LRRC69: variants seen among roughly 807,000 people sequenced by gnomAD.
LRRC69 encodes leucine-rich repeat-containing protein 69.
In LRRC69, 42 loss-of-function variants were observed where a neutral mutation model predicts 37.8. That is an observed-to-expected ratio of 1.11 (90% confidence interval 0.87 to 1.44). The LOEUF is 1.44. LRRC69 is among the 40% of genes most tolerant of loss of function. The probability of loss-of-function intolerance (pLI) is 0.00; values close to 1 mark genes in which losing one functional copy is unlikely to be tolerated. For missense variants in LRRC69, 357 were observed against 401.9 expected (o/e 0.89, Z 0.96); for synonymous variants, 141 against 143.1 (o/e 0.99, Z 0.11).
chr8:91,204,878 T>C (rs897643127), intron 7 of LRRC69, among the ~76,000 whole-genome samples: 1 of 152,224 alleles, frequency 6.6e-6, no homozygotes, highest in Non-Finnish European at 1.5e-5. Flanking sequence ...AGGACAACTT[T>C]TTTTCCACCA....
chr8:91,124,941 A>G (rs1366175830), intron 2 of LRRC69, among the ~76,000 whole-genome samples: 2 of 151,872 alleles, frequency 1.3e-5, no homozygotes, highest in African/African-American at 2.4e-5. Context: ...AATCAAATCA[A>G]GTAAAGCTAT....
Position 91,105,261 on chromosome 8 carries a change from A to C in LRRC69, c.183+2417A>C, listed in dbSNP as rs140191887. Among the ~76,000 whole-genome samples, 102 of 152,004 alleles carry C rather than the reference A, an allele frequency of 6.7e-4. 1 individual carries two copies. In the East Asian group the frequency reaches 0.011, roughly 17 times the overall value. On this transcript the variant is annotated intron_variant, in intron 1 of 7. Coordinates refer to ENST00000448384, the Ensembl canonical transcript of LRRC69. ...AAATTGTGGAATTTTGGAAAAAAAA[A>C]CACAATTTTCCCTATGTAATGGGAG...
At chr8:91,131,653 T>A (rs1484129441) in intron 3 of LRRC69, among the ~76,000 whole-genome samples, 1 of 151,986 alleles carries the variant, frequency 6.6e-6, no homozygotes, top group Non-Finnish European at 1.5e-5. Context: ...TTAAACTTTT[T>A]ATTTTCCAAT....
At chr8:91,161,964 C>T (rs1003189092) in intron 5 of LRRC69, among the ~76,000 whole-genome samples, 7 of 151,240 alleles carry the variant, frequency 4.6e-5, no homozygotes, top group African/African-American at 1.5e-4. Flanking sequence ...TTTCTGTTTT[C>T]ATTTGTTTCA....
intron 5 of LRRC69, among the ~76,000 whole-genome samples, chr8:91,147,942 G>C (rs925486472): frequency 6.6e-6 from 1 of 151,652 alleles, no homozygotes; most frequent in Non-Finnish European, 1.5e-5. Flanking sequence ...TCCCACATAT[G>C]AGTGAGAACA....
At chr8:91,206,323 T>C (rs1809804399) in intron 7 of LRRC69, among the ~76,000 whole-genome samples, 1 of 152,178 alleles carries the variant, frequency 6.6e-6, no homozygotes, top group South Asian at 2.1e-4. Context: ...AAAATAGTGG[T>C]TGAGCAGGAA....
At chr8:91,158,277 G>T (rs1808872231) in intron 5 of LRRC69, 1 of 1,528,094 alleles carries the variant, frequency 6.5e-7, no homozygotes, top group Non-Finnish European at 9.1e-7. Flanking sequence ...GTTTGTCGAA[G>T]ACATTACTTG....
chr8:91,158,553 G>A (rs1808881089), intron 5 of LRRC69: 6 of 1,184,876 alleles, frequency 5.1e-6, no homozygotes, highest in Admixed American at 1.7e-5. Context: ...ACATTTTCAC[G>A]GCCATAGCTT....
chr8:91,129,785 C>T lies in LRRC69; in HGVS notation c.383+2625C>T, dbSNP rs571947414. 3.9e-5 allele frequency among the ~76,000 whole-genome samples: 6 copies of T among 152,044 alleles called. No homozygotes were observed. The South Asian group carries it at 6.2e-4, about 16-fold the overall frequency. On this transcript the variant is annotated intron_variant, in intron 3 of 7. Coordinates refer to ENST00000448384, the Ensembl canonical transcript of LRRC69. ...ATTGTTCTATTTCTTTCCTTCCTCT[C>T]GCTCTTGCTTCCTTGTCATCTCTCT...
chr8:91,197,380 C>G (rs1180830182), intron 6 of LRRC69, among the ~76,000 whole-genome samples: 2 of 152,230 alleles, frequency 1.3e-5, no homozygotes, highest in African/African-American at 4.8e-5. Flanking sequence ...CCAGTTCGAG[C>G]TTCCCCGGCT....
At chr8:91,135,279 C>T (rs1013659879) in intron 4 of LRRC69, among the ~76,000 whole-genome samples, 37 of 152,152 alleles carry the variant, frequency 2.4e-4, no homozygotes, top group Admixed American at 1.8e-3. Flanking sequence ...CTTTCAGTAA[C>T]TTAAGTAATC....
At chr8:91,178,948 T>C (rs556514668) in intron 5 of LRRC69, among the ~76,000 whole-genome samples, 1 of 152,340 alleles carries the variant, frequency 6.6e-6, no homozygotes, top group South Asian at 2.1e-4. Flanking sequence ...GCCTTGACTT[T>C]TAAGGTTCAG....
At chr8:91,212,973 T>C (rs1432931619) in intron 7 of LRRC69, among the ~76,000 whole-genome samples, 1 of 152,192 alleles carries the variant, frequency 6.6e-6, no homozygotes, top group Non-Finnish European at 1.5e-5. Flanking sequence ...TTCGGAGAAC[T>C]CTCCCTTTTG....
intron 7 of LRRC69, among the ~76,000 whole-genome samples, chr8:91,206,276 A>G (rs889667029): frequency 2.1e-4 from 32 of 152,220 alleles, no homozygotes; most frequent in Non-Finnish European, 4.4e-5. Context: ...TTAAAAGCCC[A>G]GAATCTAGAA....
At chr8:91,191,945 C>A (rs1205875644) in intron 6 of LRRC69, among the ~76,000 whole-genome samples, 1 of 151,686 alleles carries the variant, frequency 6.6e-6, no homozygotes, top group African/African-American at 2.4e-5. Context: ...GCTGCACCCA[C>A]TAACTCGTCA....
intron 5 of LRRC69, among the ~76,000 whole-genome samples, chr8:91,151,786 C>G (rs1289919332): frequency 2.0e-5 from 3 of 151,672 alleles, no homozygotes; most frequent in Non-Finnish European, 4.4e-5. Flanking sequence ...TCTTATTTCT[C>G]TGCAGCCTTG....
intron 2 of LRRC69, 167 bp downstream of exon 2, chr8:91,124,786 A>C: frequency 1.8e-6 from 1 of 560,436 alleles, no homozygotes; most frequent in Non-Finnish European, 3.0e-6. Flanking sequence ...TTAAAAAAGT[A>C]TTGTATCATA....
chr8:91,161,837 G>T (rs912082511), intron 5 of LRRC69, among the ~76,000 whole-genome samples: 2 of 151,064 alleles, frequency 1.3e-5, no homozygotes, highest in African/African-American at 2.4e-5. Flanking sequence ...GATCCTTGAG[G>T]TGCATTGTCA....
At position 91,119,990 on chromosome 8, in the gene LRRC69, T is replaced by C. The variant is rs1472634207; in HGVS notation, c.184-4503T>C. Among the ~76,000 whole-genome samples the C allele has an allele frequency of 1.3e-5, 2 of 152,022 alleles. 1 individual carries two copies. Among genetic ancestry groups the C allele is most frequent in the East Asian group, 3.9e-4 (2 of 5,184 alleles). ...GAGTTTCTAATCCCTACAGGGTTAT[T>C]TCCATCAGCACATAAATAAGCTATA... On this transcript the variant is annotated intron_variant, in intron 1 of 7. Transcript: ENST00000448384.
Sources: gnomAD v4.1 joint callset for allele counts (sites outside exome capture counted in the v4.1 genomes callset) on GRCh38, gnomAD v4.1.1 for gene constraint, MANE v1.5 for transcripts, NCBI Gene and HGNC (gene_info 2026-07-23, HGNC 2026-07-21) for gene names.